Variants in KCNIP3 observed in about 807,000 individuals in gnomAD.
KCNIP3 encodes the protein calsenilin.
A neutral mutation model predicts 35.0 loss-of-function variants in KCNIP3; 28 were observed. That is an observed-to-expected ratio of 0.80 (90% CI 0.59 to 1.10). KCNIP3 has a LOEUF of 1.10. Ranked by LOEUF, KCNIP3 falls within the 50% of genes least tolerant of loss-of-function variation. The pLI, the probability that KCNIP3 is intolerant of heterozygous loss-of-function variation, is 0.00. For missense variants in KCNIP3, 295 were observed against 338.4 expected (o/e 0.87, Z 1.01); for synonymous variants, 134 against 133.8 (o/e 1.00, Z -0.01).
intron 2 of KCNIP3, among the ~76,000 whole-genome samples, chr2:95,367,146 G>T (rs1395198238): frequency 6.6e-6 from 1 of 152,096 alleles, no homozygotes; most frequent in Non-Finnish European, 1.5e-5. Flanking sequence ...GGTGGTGCGT[G>T]CCTGTAGTCC....
intron 6 of KCNIP3, 43 bp downstream of exon 6, chr2:95,381,746 C>T (rs746897437): frequency 1.5e-6 from 2 of 1,312,086 alleles, no homozygotes; most frequent in Non-Finnish European, 1.1e-6. Flanking sequence ...TCCTCCCCTC[C>T]TGCTGCTCCA....
chr2:95,383,262 AC>A lies in KCNIP3; in HGVS notation c.693del (p.Ile232LeufsTer15). 2 of 1,613,782 alleles carry A rather than the reference AC, an allele frequency of 1.2e-6. No homozygotes were observed. Among genetic ancestry groups the A allele is most frequent in the Non-Finnish European group, 1.7e-6 (2 of 1,179,878 alleles). ...GGACCGGAACCAGGATGGGGTAGTGACCATTGAAGAGTTCCTGGAGGCCTGT... is the reference window on the plus strand; with the variant it reads ...GGACCGGAACCAGGATGGGGTAGTGACATTGAAGAGTTCCTGGAGGCCTGT... ...KMDRNQDGVV[T>X]IEEFLEACQK... On this transcript the variant is annotated frameshift_variant, in exon 8 of 9. Transcript: ENST00000295225. LOFTEE classifies it high-confidence loss of function.
rs1446829940 is a variant in KCNIP3, at chr2:95,378,765, A to T, written c.448-2831A>T. Among the ~76,000 whole-genome samples the T allele has an allele frequency of 6.7e-6, 1 of 148,804 alleles. No individual in the cohort carries two copies. Among genetic ancestry groups the T allele is most frequent in the African/African-American group, 2.5e-5 (1 of 40,358 alleles). On this transcript the variant is annotated intron_variant, in intron 5 of 8. Coordinates refer to ENST00000295225, the MANE Select transcript of KCNIP3 (RefSeq NM_013434.5). The surrounding 1 kb of genome is among the most constrained non-coding windows in gnomAD (Gnocchi z 4.0). The stretch of plus-strand genomic sequence containing the variant: ...GACTCAATCTCAAAAACAAAAACAA[A>T]ATATATATATATATACACACACACA...
chr2:95,348,597 C>T (rs551552209), intron 2 of KCNIP3, among the ~76,000 whole-genome samples: 10 of 152,220 alleles, frequency 6.6e-5, no homozygotes, highest in Non-Finnish European at 1.3e-4. Flanking sequence ...GGTTCACCCA[C>T]AGTCGGGGGC....
chr2:95,319,334 A>G (rs1271163505), intron 2 of KCNIP3, among the ~76,000 whole-genome samples: 1 of 152,144 alleles, frequency 6.6e-6, no homozygotes, highest in Non-Finnish European at 1.5e-5. Context: ...CAGTTTTTCA[A>G]AAGAGAGGGG....
In KCNIP3 at chr2:95,375,161, C is replaced by G; in HGVS notation, c.400C>G (p.Leu134Val). ...AGATGCCACCACCTATGCACACTTC[C>G]TCTTCAACGCCTTTGATGCGGACGG... The part of the protein sequence containing the change: ...QGDATTYAHF[L>V]FNAFDADGNG... Residue 134 changes from leucine (L) to valine (V), a missense_variant, in exon 5 of 9, where the codon CTC becomes GTC. Leu to Val is a conservative substitution (Grantham distance 32, BLOSUM62 1). Coordinates refer to ENST00000295225, the MANE Select transcript of KCNIP3 (RefSeq NM_013434.5). The G allele has an allele frequency of 6.2e-7, 1 of 1,614,216 alleles. No individual in the cohort carries two copies. Among genetic ancestry groups the G allele is most frequent in the Non-Finnish European group, 8.5e-7 (1 of 1,180,026 alleles).
rs1680129572 is a variant in KCNIP3 at position 95,374,709 on chromosome 2, C to A, written c.307-139C>A. 3 of 1,003,146 alleles carry A rather than the reference C, an allele frequency of 3.0e-6. No individual in the cohort carries two copies. In the South Asian group the frequency reaches 4.4e-5, roughly 15 times the overall value. The allele number at this position is 1,003,146 out of a possible 1,614,324, so 62.1% of individuals were successfully genotyped here. A position where few individuals can be genotyped will look rare whatever the true frequency, so the allele number is the denominator to read the frequency against. On this transcript the variant is annotated intron_variant, in intron 3 of 8. Coordinates refer to ENST00000295225, the MANE Select transcript of KCNIP3 (RefSeq NM_013434.5). ...CCACCTCTACCCAGGCTTTCCACAACCCAGGCCAGGGGGCCCCAGCAGTGC... is the reference window on the plus strand; with the variant it reads ...CCACCTCTACCCAGGCTTTCCACAAACCAGGCCAGGGGGCCCCAGCAGTGC...
At position 95,344,289 on chromosome 2, in the gene KCNIP3, G is replaced by A. The variant is rs146112008; in HGVS notation, c.182-30007G>A. Among the ~76,000 whole-genome samples the A allele has an allele frequency of 9.7e-4, 147 of 152,076 alleles. 2 individuals carry two copies. Among genetic ancestry groups the A allele is most frequent in the African/African-American group, 3.1e-3 (127 of 41,434 alleles). ...GGTGGCGGGGTGGGGGGGGGCACAT[G>A]GGGCTTCAGGGCTCGCCTGCTGGCT... On this transcript the variant is annotated intron_variant, in intron 2 of 8. Coordinates refer to ENST00000295225, the MANE Select transcript of KCNIP3 (RefSeq NM_013434.5).
At chr2:95,321,825 T>C (rs1313574247) in intron 2 of KCNIP3, among the ~76,000 whole-genome samples, 1 of 152,092 alleles carries the variant, frequency 6.6e-6, no homozygotes, top group Non-Finnish European at 1.5e-5. Context: ...GTAACTGTGT[T>C]ACAGGCCTGG....
At chr2:95,336,069 T>C (rs1295444351) in intron 2 of KCNIP3, among the ~76,000 whole-genome samples, 2 of 152,258 alleles carry the variant, frequency 1.3e-5, no homozygotes, top group African/African-American at 2.4e-5. Context: ...ACACTGTAGC[T>C]CTGTGACAGA....
chr2:95,315,585 C>T (rs1010227969), intron 2 of KCNIP3, among the ~76,000 whole-genome samples: 25 of 152,204 alleles, frequency 1.6e-4, no homozygotes, highest in Non-Finnish European at 3.1e-4. Flanking sequence ...TCAGTGTAAA[C>T]CTGTGCCTTC....
chr2:95,381,006 C>CA (rs1382407465), intron 5 of KCNIP3, among the ~76,000 whole-genome samples: 2 of 152,054 alleles, frequency 1.3e-5, no homozygotes. Flanking sequence ...CTAAAAACAA[C>CA]AACAAACAAA....
rs1364747139 is a variant in KCNIP3 at position 95,347,268 on chromosome 2, C to G, written c.182-27028C>G. 2.9e-5 allele frequency: 20 copies of G among 686,466 alleles called. No homozygotes were observed. In the East Asian group the frequency reaches 5.1e-4, roughly 18 times the overall value. 42.5% of individuals were successfully genotyped at this position (686,466 alleles called of 1,614,324 possible). ...CCCTCCCGGCTCCGGAGGGTTGGGCCTGGGACTAAGGAGACGTAGTCCCAG... is the reference window on the plus strand; with the variant it reads ...CCCTCCCGGCTCCGGAGGGTTGGGCGTGGGACTAAGGAGACGTAGTCCCAG... On this transcript the variant is annotated intron_variant, in intron 2 of 8. Coordinates refer to ENST00000295225, the MANE Select transcript of KCNIP3 (RefSeq NM_013434.5).
At chr2:95,302,174 C>T (rs540502127) in intron 1 of KCNIP3, among the ~76,000 whole-genome samples, 3 of 151,978 alleles carry the variant, frequency 2.0e-5, no homozygotes, top group Admixed American at 6.5e-5. Flanking sequence ...TGCACCGCAG[C>T]AGCCGTGGAC....
At chr2:95,373,280 C>G (rs1264384289) in intron 2 of KCNIP3, among the ~76,000 whole-genome samples, 1 of 152,130 alleles carries the variant, frequency 6.6e-6, no homozygotes, top group Non-Finnish European at 1.5e-5. Context: ...CTTTATTTTG[C>G]ATTGTAAAAG....
At chr2:95,375,078 G>A in intron 4 of KCNIP3, 60 bp from the exon 5 acceptor site, 2 of 1,575,266 alleles carry the variant, frequency 1.3e-6, no homozygotes, top group African/African-American at 1.3e-5. Flanking sequence ...GTTGCCTGGG[G>A]TGGGAGATGA....
At chr2:95,362,102 CTTTTTTTTTTCT>C (rs1558774509) in intron 2 of KCNIP3, among the ~76,000 whole-genome samples, 1 of 147,426 alleles carries the variant, frequency 6.8e-6, no homozygotes. Flanking sequence ...CTCTCCTACC[CTTTTTTTTTTCT>C]TTTTTTTTTT....
chr2:95,336,408 A>C (rs1372799829), intron 2 of KCNIP3, among the ~76,000 whole-genome samples: 3 of 152,222 alleles, frequency 2.0e-5, no homozygotes, highest in Non-Finnish European at 4.4e-5. Flanking sequence ...ATTCTCTGTT[A>C]AATTTTAAAC....
At chr2:95,345,066 C>T (rs1046836234) in intron 2 of KCNIP3, among the ~76,000 whole-genome samples, 1 of 152,218 alleles carries the variant, frequency 6.6e-6, no homozygotes, top group Non-Finnish European at 1.5e-5. Context: ...AGTGGAGAAT[C>T]ACCACATCCC....
Sources: allele counts gnomAD v4.1 joint callset (sites outside exome capture counted in the v4.1 genomes callset), GRCh38; gene constraint gnomAD v4.1.1; non-coding constraint Gnocchi (gnomAD v3.1); transcripts MANE v1.5; gene names NCBI Gene and HGNC (gene_info 2026-07-23, HGNC 2026-07-21).